MED12L: variants seen among roughly 807,000 people sequenced by gnomAD.
MED12L encodes mediator of RNA polymerase II transcription subunit 12-like protein.
MED12L carries 60 observed loss-of-function variants against 281.3 expected under a neutral mutation model. The ratio of observed to expected loss-of-function variants is 0.21; its 90% CI spans 0.17 to 0.26. The LOEUF (loss-of-function observed/expected upper bound fraction) is 0.26, where lower values mean the gene tolerates loss of function less well. Ranked by LOEUF, MED12L falls within the 10% of genes least tolerant of loss-of-function variation. The pLI, the probability that MED12L is intolerant of heterozygous loss-of-function variation, is 1.00. For missense variants in MED12L, 2,146 were observed against 2,680.9 expected, an observed-to-expected ratio of 0.80 and a Z score of 4.41; for synonymous variants, 974 against 987.2, an observed-to-expected ratio of 0.99 and a Z score of 0.25.
At chr3:151,332,142 T>C (rs1003014338) in intron 16 of MED12L, among the ~76,000 whole-genome samples, 1 of 152,208 alleles carries the variant, frequency 6.6e-6, no homozygotes, top group Non-Finnish European at 1.5e-5. Context: ...AAATGAAAAG[T>C]CACAGAAATC....
At chr3:151,417,487 C>CCCCCTT (rs1717736742) in intron 43 of MED12L, among the ~76,000 whole-genome samples, 7 of 78,814 alleles carry the variant, frequency 8.9e-5, no homozygotes, top group Admixed American at 1.7e-4. Flanking sequence ...CCCCCCCCGC[C>CCCCCTT]TTTTTTTTTT....
chr3:151,350,255 C>T (rs1306778192), intron 17 of MED12L, 49 bp downstream of exon 17: 2 of 1,581,912 alleles, frequency 1.3e-6, no homozygotes, highest in East Asian at 2.3e-5. Context: ...TTTTGCCTTC[C>T]CTCTGAGCAC....
At chr3:151,225,188 G>A (rs1020951554) in intron 16 of MED12L, among the ~76,000 whole-genome samples, 6 of 152,076 alleles carry the variant, frequency 3.9e-5, no homozygotes, top group African/African-American at 1.4e-4. Context: ...CCTGTCCAGG[G>A]TGCCCTCGAC....
At position 151,202,932 on chromosome 3, in the gene MED12L, T is replaced by A. The variant is rs375647593; in HGVS notation, c.2250+9266T>A. The stretch of plus-strand genomic sequence containing the variant: ...GACAGATGAATGGGTTCATCAGATA[T>A]AAGAAAATTATAGTGTCATTCACAG... On this transcript the variant is annotated intron_variant, in intron 16 of 44. Coordinates refer to ENST00000687756, the MANE Select transcript of MED12L (RefSeq NM_001393769.1). 6.6e-5 allele frequency among the ~76,000 whole-genome samples: 10 copies of A among 152,304 alleles called. No individual in the cohort carries two copies. The East Asian group carries it at 1.4e-3, about 21-fold the overall frequency.
chr3:151,097,820 TC>T (rs1720915582), intron 2 of MED12L, among the ~76,000 whole-genome samples: 1 of 152,280 alleles, frequency 6.6e-6, no homozygotes, highest in East Asian at 1.9e-4. Context: ...TATCAGTAGT[TC>T]CGGGGTTGAG....
intron 16 of MED12L, among the ~76,000 whole-genome samples, chr3:151,206,117 C>G (rs73021116): frequency 0.057 from 8,092 of 140,972 alleles, 714 homozygotes; most frequent in African/African-American, 0.19. Context: ...TTCCCACCTG[C>G]GTTAGCCCAA....
chr3:151,299,500 A>G (rs1745614049), intron 16 of MED12L, among the ~76,000 whole-genome samples: 1 of 136,724 alleles, frequency 7.3e-6, no homozygotes, highest in South Asian at 2.3e-4. Context: ...TTTTTCTGAT[A>G]CAGAGTCTTG....
At chr3:151,387,279 C>CTAA (rs1401889978) in intron 36 of MED12L, among the ~76,000 whole-genome samples, 1 of 151,398 alleles carries the variant, frequency 6.6e-6, no homozygotes, top group African/African-American at 2.4e-5. Context: ...ATTTAATTCT[C>CTAA]TAATAATAAT....
chr3:151,163,122 G>A (rs1720213974), intron 8 of MED12L, among the ~76,000 whole-genome samples: 1 of 152,196 alleles, frequency 6.6e-6, no homozygotes, highest in South Asian at 2.1e-4. Context: ...TAATCTACGC[G>A]GCTCATAGTC....
chr3:151,309,569 A>G (rs1747209285), intron 16 of MED12L, among the ~76,000 whole-genome samples: 1 of 152,096 alleles, frequency 6.6e-6, no homozygotes, highest in African/African-American at 2.4e-5. Flanking sequence ...CCTCTTATCT[A>G]TTAGGCAAGC....
chr3:151,394,909 A>C (rs1020989984), intron 39 of MED12L, 42 bp downstream of exon 39: 2 of 1,610,238 alleles, frequency 1.2e-6, no homozygotes, highest in African/African-American at 2.7e-5. Flanking sequence ...GCATTTTATT[A>C]CCTCTGCTAG....
intron 16 of MED12L, among the ~76,000 whole-genome samples, chr3:151,290,680 AATT>A (rs1449362873): frequency 6.6e-6 from 1 of 151,400 alleles, no homozygotes; most frequent in East Asian, 1.9e-4. Flanking sequence ...TGACAGCATT[AATT>A]ATTCTCATCA....
intron 3 of MED12L, 136 bp from the exon 4 acceptor site, chr3:151,122,647 A>G: frequency 1.7e-6 from 1 of 606,050 alleles, no homozygotes. Context: ...GGCTTCAAAG[A>G]CTTAAATTCC....
intron 39 of MED12L, among the ~76,000 whole-genome samples, chr3:151,400,816 T>G (rs1479815974): frequency 6.6e-6 from 1 of 152,226 alleles, no homozygotes; most frequent in Non-Finnish European, 1.5e-5. Context: ...TATACATATT[T>G]CAAGCATAGA....
At chr3:151,247,142 G>A (rs1297856716) in intron 16 of MED12L, among the ~76,000 whole-genome samples, 4 of 152,118 alleles carry the variant, frequency 2.6e-5, no homozygotes, top group African/African-American at 9.7e-5. Context: ...TGGAGAAATA[G>A]GAACACTTTT....
intron 2 of MED12L, among the ~76,000 whole-genome samples, chr3:151,110,666 T>A (rs1711734515): frequency 6.6e-6 from 1 of 152,200 alleles, no homozygotes; most frequent in African/African-American, 2.4e-5. Context: ...GACAGCTTCT[T>A]TTTTGGCTCT....
intron 16 of MED12L, among the ~76,000 whole-genome samples, chr3:151,339,406 C>T (rs1377543374): frequency 7.0e-6 from 1 of 143,560 alleles, no homozygotes; most frequent in Non-Finnish European, 1.5e-5. Context: ...TCTTGGGAAA[C>T]TTATTAAATA....
chr3:151,407,400 G>A (rs983157487), intron 39 of MED12L, among the ~76,000 whole-genome samples: 1 of 152,132 alleles, frequency 6.6e-6, no homozygotes, highest in Non-Finnish European at 1.5e-5. Context: ...TATATAAATA[G>A]TTGATTTTTC....
intron 31 of MED12L, among the ~76,000 whole-genome samples, chr3:151,379,233 T>G (rs907623332): frequency 2.6e-5 from 4 of 152,216 alleles, no homozygotes; most frequent in Non-Finnish European, 4.4e-5. Context: ...TGTATGTGCA[T>G]TGCCTAACTT....
Sources: allele counts gnomAD v4.1 joint callset (sites outside exome capture counted in the v4.1 genomes callset), GRCh38; gene constraint gnomAD v4.1.1; transcripts MANE v1.5; gene names NCBI Gene and HGNC (gene_info 2026-07-23, HGNC 2026-07-21).